The following PANK1 variants were observed in gnomAD, a reference collection of about 807,000 sequenced individuals.
PANK1 encodes pantothenic acid kinase 1.
Under a neutral mutation model 40.1 loss-of-function variants are expected in PANK1, and 18 were observed. That is an observed-to-expected ratio of 0.45 (90% CI 0.31 to 0.67). PANK1 has a LOEUF of 0.67. Among genes scored for constraint, PANK1 ranks in the 30% least tolerant of loss-of-function variants. The pLI, the probability that PANK1 is intolerant of heterozygous loss-of-function variation, is 0.06. For synonymous variants in PANK1, 242 were observed against 237.7 expected (o/e 1.02, Z -0.17); for missense variants, 457 against 599.6 (o/e 0.76, Z 2.48).
At chr10:89,625,394 T>G (rs1845630784) in intron 1 of PANK1, among the ~76,000 whole-genome samples, 1 of 152,168 alleles carries the variant, frequency 6.6e-6, no homozygotes, top group South Asian at 2.1e-4. Flanking sequence ...GTGTAATAGG[T>G]GATTTTCAAA....
In PANK1 at chr10:89,584,223, G is replaced by A. The variant is rs1444248084; in HGVS notation, c.*183C>T. 5 of 547,016 alleles carry A rather than the reference G, an allele frequency of 9.1e-6. No individual in the cohort carries two copies. The East Asian group carries it at 1.3e-4, about 15-fold the overall frequency. 33.9% of individuals were successfully genotyped at this position (547,016 alleles called of 1,614,324 possible). A position where few individuals can be genotyped will look rare whatever the true frequency, so the allele number is the denominator to read the frequency against. ...AAAACCTTTTATATTCCCCCGTTTT[G>A]AATCATTAGCTCAAAACCTAAGAGT... On this transcript the variant is annotated 3_prime_UTR_variant, in exon 7 of 7. Coordinates refer to ENST00000307534, the MANE Select transcript of PANK1 (RefSeq NM_148977.3).
chr10:89,612,613 A>G (rs1303903223), intron 1 of PANK1, among the ~76,000 whole-genome samples: 3 of 152,210 alleles, frequency 2.0e-5, no homozygotes, highest in Admixed American at 6.5e-5. Context: ...GTTTTAATCT[A>G]TACAGTGTAT....
intron 1 of PANK1, among the ~76,000 whole-genome samples, chr10:89,627,071 G>A (rs1424640524): frequency 6.6e-6 from 1 of 152,160 alleles, no homozygotes; most frequent in Non-Finnish European, 1.5e-5. Context: ...TTGAAGTTGA[G>A]CTGGGGGGCA....
chr10:89,586,499 T>C (rs1257301245), intron 6 of PANK1, among the ~76,000 whole-genome samples: 1 of 152,186 alleles, frequency 6.6e-6, no homozygotes. Flanking sequence ...ATTTCTATCA[T>C]TGGGCCTTAA....
chr10:89,622,860 T>C (rs1564632560), intron 1 of PANK1, among the ~76,000 whole-genome samples: 1 of 151,650 alleles, frequency 6.6e-6, no homozygotes, highest in Non-Finnish European at 1.5e-5. Flanking sequence ...ACTTAAAACA[T>C]TGAAGTTGTA....
In PANK1 at chr10:89,645,235, C is replaced by G. The variant is rs1298345392; in HGVS notation, c.-344G>C. ...GACTTCAAACGCGGCTTCCTCGCCT[C>G]CCAGACTGGTCCCCGCCACTGAGCA... On this transcript the variant is annotated 5_prime_UTR_variant, in exon 1 of 7. Coordinates refer to ENST00000307534, the MANE Select transcript of PANK1 (RefSeq NM_148977.3). The G allele has an allele frequency of 6.2e-7, 1 of 1,602,348 alleles. No individual in the cohort carries two copies. Among genetic ancestry groups the G allele is most frequent in the South Asian group, 1.1e-5 (1 of 90,474 alleles).
In PANK1 at chr10:89,620,690, G is replaced by C. The variant is rs187597782; in HGVS notation, c.293-8642C>G. ...GATCTTTTATTGCCCTTTCAAGCAT[G>C]TGATCTTTGTGAATTACTCCCTGTT... On this transcript the variant is annotated intron_variant, in intron 1 of 6. Transcript: ENST00000307534. 3.9e-5 allele frequency among the ~76,000 whole-genome samples: 6 copies of C among 152,266 alleles called. No individual in the cohort carries two copies. The East Asian group carries it at 1.2e-3, about 29-fold the overall frequency.
intron 1 of PANK1, 52 bp from the exon 2 acceptor site, chr10:89,612,100 G>C: frequency 6.9e-7 from 1 of 1,439,392 alleles, no homozygotes. Flanking sequence ...GCAAAGAAGT[G>C]TTCAGTTTTT....
chr10:89,627,212 C>T (rs898891257), intron 1 of PANK1, among the ~76,000 whole-genome samples: 1 of 148,392 alleles, frequency 6.7e-6, no homozygotes, highest in Non-Finnish European at 1.5e-5. Flanking sequence ...ATTGAACCAA[C>T]TGCAGACTGA....
At chr10:89,610,507 A>G (rs1845120971) in intron 2 of PANK1, among the ~76,000 whole-genome samples, 2 of 152,124 alleles carry the variant, frequency 1.3e-5, no homozygotes, top group South Asian at 4.1e-4. Flanking sequence ...CTCACTTAGG[A>G]TACTATTCTA....
At position 89,644,581 on chromosome 10, in the gene PANK1, C is replaced by A; in HGVS notation, c.292+19G>T. On this transcript the variant is annotated intron_variant, in intron 1 of 6. Coordinates refer to ENST00000307534, the MANE Select transcript of PANK1 (RefSeq NM_148977.3). The stretch of plus-strand genomic sequence containing the variant: ...CTGCGTCTGCCTTGCGCCCGCGCTC[C>A]CCTCCCAGCGGGACTTACGCGGCCT... 1 of 1,578,874 alleles carries A rather than the reference C, an allele frequency of 6.3e-7. No individual in the cohort carries two copies. The highest frequency in any genetic ancestry group is 2.4e-5 in the East Asian group (1 of 42,430).
At chr10:89,604,453 A>C (rs915426935) in intron 2 of PANK1, among the ~76,000 whole-genome samples, 2 of 152,106 alleles carry the variant, frequency 1.3e-5, no homozygotes, top group African/African-American at 4.8e-5. Flanking sequence ...GCACTTTGGG[A>C]GGCCTAGGCA....
At chr10:89,633,678 C>T (rs189824211) in intron 1 of PANK1, among the ~76,000 whole-genome samples, 169 of 152,302 alleles carry the variant, frequency 1.1e-3, no homozygotes, top group Non-Finnish European at 2.0e-3. Context: ...AGCCACACAG[C>T]TGGCTTCAGG....
chr10:89,616,857 G>T (rs573195879), intron 1 of PANK1, among the ~76,000 whole-genome samples: 18 of 151,980 alleles, frequency 1.2e-4, no homozygotes, highest in Non-Finnish European at 2.2e-4. Context: ...GGAGGCGGAG[G>T]TTGCAGTGAG....
At chr10:89,597,367 C>T (rs577200332) in intron 3 of PANK1, among the ~76,000 whole-genome samples, 19 of 152,176 alleles carry the variant, frequency 1.2e-4, no homozygotes, top group Non-Finnish European at 2.4e-4. Context: ...CCTCCCTTCT[C>T]GTGGTAGCCC....
chr10:89,643,900 G>T, intron 1 of PANK1: 4 of 1,396,200 alleles, frequency 2.9e-6, no homozygotes, highest in South Asian at 1.7e-5. Context: ...GCTTTCTCCG[G>T]TGTACATTAC....
intron 1 of PANK1, among the ~76,000 whole-genome samples, chr10:89,642,756 T>A (rs768125139): frequency 6.6e-6 from 1 of 152,220 alleles, no homozygotes; most frequent in Non-Finnish European, 1.5e-5. Flanking sequence ...CAGATGTGAC[T>A]CCTAGGAACA....
At chr10:89,599,193 C>T (rs1844701606) in intron 3 of PANK1, 59 bp downstream of exon 3, 1 of 1,500,470 alleles carries the variant, frequency 6.7e-7, no homozygotes, top group African/African-American at 1.4e-5. Flanking sequence ...TAACCTTTTA[C>T]TATAAACTGG....
At chr10:89,597,289 TAAAAGAAACCTTTGGCAAAAC>T (rs1473829345) in intron 3 of PANK1, among the ~76,000 whole-genome samples, 2 of 152,328 alleles carry the variant, frequency 1.3e-5, no homozygotes, top group South Asian at 4.1e-4. Flanking sequence ...TAACTTGAAT[TAAAAGAAACCTTTGGCAAAAC>T]AACTCTGGAT....
Sources: allele counts gnomAD v4.1 joint callset (sites outside exome capture counted in the v4.1 genomes callset), GRCh38; gene constraint gnomAD v4.1.1; transcripts MANE v1.5; gene names NCBI Gene and HGNC (gene_info 2026-07-23, HGNC 2026-07-21).